The following OGG1 variants were observed in gnomAD, a reference collection of about 807,000 sequenced individuals.
OGG1 encodes 8-oxoguanine DNA glycosylase.
Under a neutral mutation model 42.3 loss-of-function variants are expected in OGG1, and 35 were observed. The ratio of observed to expected loss-of-function variants is 0.83; its 90% CI spans 0.63 to 1.10. The LOEUF is 1.10. Among genes scored for constraint, OGG1 ranks in the 50% least tolerant of loss-of-function variants. The pLI is 0.00. For missense variants in OGG1, 484 were observed against 446.7 expected (o/e 1.08, Z -0.75); for synonymous variants, 189 against 179.0 (o/e 1.06, Z -0.44).
chr3:9,785,270 C>T lies in OGG1; in HGVS notation c.383-2458C>T, dbSNP rs765486810. 4.0e-6 allele frequency: 6 copies of T among 1,499,266 alleles called. No homozygotes were observed. The South Asian group carries it at 5.7e-5, about 14-fold the overall frequency. The allele number at this position is 1,499,266 out of a possible 1,614,324, so 92.9% of individuals were successfully genotyped here. ...CCAGGTTGAGATGGAGAGAAGCCAA[C>T]AGAAGCGGGGGCCAGACTGTGGGTT... On this transcript the variant is annotated intron_variant, in intron 3 of 3. Coordinates refer to the OGG1 transcript ENST00000426518.
At chr3:9,780,305 C>T (rs1269572899) in intron 2 of OGG1, 6 of 1,535,072 alleles carry the variant, frequency 3.9e-6, no homozygotes, top group African/African-American at 1.4e-5. Flanking sequence ...AGGAAGTGGG[C>T]CTCCCTTCCC....
chr3:9,764,645 T>G (rs1575252319), intron 7 of OGG1, among the ~76,000 whole-genome samples: 1 of 105,556 alleles, frequency 9.5e-6, no homozygotes, highest in Non-Finnish European at 2.0e-5. Context: ...TTTTTTTTTT[T>G]GAGATGGAGT....
chr3:9,780,384 C>G (rs1245567569), intron 2 of OGG1: 1 of 1,613,408 alleles, frequency 6.2e-7, no homozygotes, highest in Admixed American at 1.7e-5. Flanking sequence ...TCAGGATGCT[C>G]TCACGCTCCT....
rs2077226859 is a variant in OGG1 at position 9,750,155 on chromosome 3, G to A, written c.-132G>A. ...AGGTGGAGGAATTAAGTGAAACAGGGAAGGTTGTTAAACAGCACCGTGTGG... is the reference window on the plus strand; with the variant it reads ...AGGTGGAGGAATTAAGTGAAACAGGAAAGGTTGTTAAACAGCACCGTGTGG... On this transcript the variant is annotated 5_prime_UTR_variant, in exon 1 of 7. Transcript: ENST00000344629. 2 of 1,163,242 alleles carry A rather than the reference G, an allele frequency of 1.7e-6. No individual in the cohort carries two copies. The highest frequency in any genetic ancestry group is 2.4e-6 in the Non-Finnish European group (2 of 828,302). The allele number at this position is 1,163,242 out of a possible 1,614,324, so 72.1% of individuals were successfully genotyped here.
chr3:9,751,969 G>T lies in OGG1; in HGVS notation c.565+20G>T. The T allele has an allele frequency of 6.2e-7, 1 of 1,610,456 alleles. No homozygotes were observed. Among genetic ancestry groups the T allele is most frequent in the Non-Finnish European group, 8.5e-7 (1 of 1,177,034 alleles). ...TGGCTGGTGAGTAGGTGGGTCCCCT[G>T]CCCCCAGGCCTTCCATCAGCTTTCA... On this transcript the variant is annotated intron_variant, in intron 3 of 6. Transcript: ENST00000344629.
At chr3:9,757,791 G>C, downstream of OGG1, 2 of 1,613,918 alleles carry the variant, frequency 1.2e-6, no homozygotes, top group Non-Finnish European at 1.7e-6. The surrounding 1 kb of genome is among the most constrained non-coding windows in gnomAD (Gnocchi z 4.5). Context: ...CTCCTGGCTG[G>C]TGCCCAGCTG....
chr3:9,759,292 G>A, downstream of OGG1: 4 of 1,606,006 alleles, frequency 2.5e-6, no homozygotes, highest in Non-Finnish European at 2.6e-6. Flanking sequence ...TGGAGGTGAG[G>A]GACCCTCTCT....
intron 6 of OGG1, 110 bp from the exon 7 acceptor site, chr3:9,756,951 C>G: frequency 6.2e-7 from 1 of 1,611,988 alleles, no homozygotes; most frequent in East Asian, 2.2e-5. Flanking sequence ...ATTCTCATTG[C>G]CTTCGGCCCT....
downstream of OGG1, among the ~76,000 whole-genome samples, chr3:9,769,317 G>A (rs999781338): frequency 3.3e-5 from 5 of 151,832 alleles, no homozygotes; most frequent in African/African-American, 1.2e-4. Flanking sequence ...TCCCCTGGAA[G>A]CTCCTGTATT....
In OGG1 at chr3:9,757,281, C is replaced by A; in HGVS notation, c.*131C>A. The A allele has an allele frequency of 6.2e-7, 1 of 1,614,174 alleles. No homozygotes were observed. The highest frequency in any genetic ancestry group is 8.5e-7 in the Non-Finnish European group (1 of 1,180,034). On this transcript the variant is annotated 3_prime_UTR_variant, in exon 7 of 7. Coordinates refer to ENST00000344629, the MANE Select transcript of OGG1 (RefSeq NM_002542.6). The surrounding 1 kb of genome is among the most constrained non-coding windows in gnomAD (Gnocchi z 4.5). Reference sequence around the variant, plus strand: ...GACTACCTCAAAGGCCAGGCACCCCCAAATCAAGCAGTCAGTTTGCACAAC... The same window carrying A: ...GACTACCTCAAAGGCCAGGCACCCCAAAATCAAGCAGTCAGTTTGCACAAC...
At chr3:9,785,317 T>C (rs1240811935) in intron 3 of OGG1, 1 of 1,612,518 alleles carries the variant, frequency 6.2e-7, no homozygotes, top group South Asian at 1.1e-5. Context: ...ACCACTCACC[T>C]GAAGGGCTTG....
At chr3:9,788,097 G>T (rs944267540) in exon 4 of OGG1, 3 of 224,408 alleles carry the variant, frequency 1.3e-5, no homozygotes, top group Non-Finnish European at 1.8e-5. Context: ...ACGGGAGGAA[G>T]AAAGGCCTGG....
downstream of OGG1, chr3:9,757,608 G>T: frequency 6.2e-7 from 1 of 1,614,174 alleles, no homozygotes. The surrounding 1 kb of genome is among the most constrained non-coding windows in gnomAD (Gnocchi z 4.5). Context: ...GACAGCAACA[G>T]CCAGCTGCCG....
chr3:9,789,036 A>G (rs959981490), downstream of OGG1, among the ~76,000 whole-genome samples: 14 of 151,892 alleles, frequency 9.2e-5, no homozygotes, highest in African/African-American at 3.4e-4. Context: ...GGGTTTCACC[A>G]TGTTGCCCAG....
chr3:9,784,720 C>A (rs1198778068), intron 3 of OGG1, among the ~76,000 whole-genome samples: 9 of 151,918 alleles, frequency 5.9e-5, no homozygotes, highest in Non-Finnish European at 1.2e-4. Context: ...CAAAAATGAG[C>A]CATACATGGT....
At position 9,750,320 on chromosome 3, in the gene OGG1, G is replaced by T; in HGVS notation, c.34G>T (p.Gly12Trp). The T allele has an allele frequency of 1.2e-6, 2 of 1,613,640 alleles. No homozygotes were observed. ...CCGCGCGCTTCTGCCCAGGCGCATG[G>T]GGCATCGTACTCTAGCCTCCACTCC... is the stretch of plus-strand genomic sequence containing the variant. ...PARALLPRRM[G>W]HRTLASTPAL... Residue 12 changes from glycine (G) to tryptophan (W), a missense_variant, in exon 1 of 7, where the codon GGG becomes TGG. Transcript: ENST00000344629.
Position 9,749,986 on chromosome 3 carries a change from A to C in OGG1, c.-301A>C. ...GTGGTCTGCCCCTGGAGAACCCAGA[A>C]GAACACAGCTGTGCGCGCCCACAGG... is the stretch of plus-strand genomic sequence containing the variant. On this transcript the variant is annotated 5_prime_UTR_variant, in exon 1 of 7. Coordinates refer to ENST00000344629, the MANE Select transcript of OGG1 (RefSeq NM_002542.6). The C allele has an allele frequency of 4.6e-6, 2 of 434,336 alleles. No homozygotes were observed. Among genetic ancestry groups the C allele is most frequent in the Non-Finnish European group, 4.2e-6 (1 of 239,480 alleles). The allele number at this position is 434,336 out of a possible 1,614,324, so 26.9% of individuals were successfully genotyped here.
downstream of OGG1, among the ~76,000 whole-genome samples, chr3:9,769,431 C>G (rs1283905770): frequency 6.6e-6 from 1 of 152,114 alleles, no homozygotes; most frequent in East Asian, 1.9e-4. Context: ...AGCCAAATAC[C>G]AGCACACAAA....
chr3:9,766,557 A>G (rs2078159538), exon 8 of OGG1: 6 of 708,658 alleles, frequency 8.5e-6, no homozygotes, highest in Non-Finnish European at 1.2e-5. Flanking sequence ...CAGTTTAACA[A>G]AATCCTCAGG....
Sources: allele counts gnomAD v4.1 joint callset (sites outside exome capture counted in the v4.1 genomes callset), GRCh38; gene constraint gnomAD v4.1.1; non-coding constraint Gnocchi (gnomAD v3.1); transcripts MANE v1.5; gene names NCBI Gene and HGNC (gene_info 2026-07-23, HGNC 2026-07-21).